ATXN1: variants seen among roughly 807,000 people sequenced by gnomAD.
ATXN1 encodes the protein ataxin-1.
A neutral mutation model predicts 56.4 loss-of-function variants in ATXN1; 8 were observed. The ratio of observed to expected loss-of-function variants is 0.14; its 90% CI spans 0.08 to 0.26. The LOEUF (loss-of-function observed/expected upper bound fraction) is 0.26. Among genes scored for constraint, ATXN1 ranks in the 10% least tolerant of loss-of-function variants. ATXN1 has a pLI of 1.00. For missense variants in ATXN1, 987 were observed against 1,106.5 expected (o/e 0.89, Z 1.53); for synonymous variants, 514 against 494.6 (o/e 1.04, Z -0.52).
At chr6:16,462,146 C>T (rs1331909900) in intron 6 of ATXN1, among the ~76,000 whole-genome samples, 1 of 152,198 alleles carries the variant, frequency 6.6e-6, no homozygotes, top group African/African-American at 2.4e-5. Flanking sequence ...CAAGTCCCTC[C>T]CCTCTTCCTC....
chr6:16,683,660 TCC>T (rs1758859108), intron 2 of ATXN1, among the ~76,000 whole-genome samples: 1 of 152,098 alleles, frequency 6.6e-6, no homozygotes, highest in Admixed American at 6.6e-5. Context: ...TTCATATGAG[TCC>T]TTAAAAACAG....
intron 3 of ATXN1, among the ~76,000 whole-genome samples, chr6:16,646,428 G>A (rs1763799139): frequency 6.6e-6 from 1 of 152,206 alleles, no homozygotes; most frequent in Non-Finnish European, 1.5e-5. Context: ...GCTAATTTAT[G>A]TAAAGCCCCA....
At chr6:16,686,314 C>T in intron 2 of ATXN1, among the ~76,000 whole-genome samples, 1 of 152,080 alleles carries the variant, frequency 6.6e-6, no homozygotes, top group East Asian at 1.9e-4. Context: ...ACATACACTT[C>T]CGAAGTAGTA....
intron 4 of ATXN1, among the ~76,000 whole-genome samples, chr6:16,546,555 G>C (rs1761818283): frequency 6.6e-6 from 1 of 152,156 alleles, no homozygotes; most frequent in Non-Finnish European, 1.5e-5. Flanking sequence ...CTAGAAATCA[G>C]AAAATCCTGA....
At chr6:16,713,023 G>A (rs1045404391) in intron 2 of ATXN1, among the ~76,000 whole-genome samples, 2 of 152,204 alleles carry the variant, frequency 1.3e-5, no homozygotes, top group Non-Finnish European at 2.9e-5. Flanking sequence ...AGCAAGAGAT[G>A]ACTCATAATA....
intron 1 of ATXN1, among the ~76,000 whole-genome samples, chr6:16,758,353 C>T (rs1224513631): frequency 6.6e-6 from 1 of 152,228 alleles, no homozygotes; most frequent in Non-Finnish European, 1.5e-5. Flanking sequence ...CTTTAGTGAG[C>T]TCTGAAAGGT....
At chr6:16,426,981 C>T (rs1759170568) in intron 6 of ATXN1, among the ~76,000 whole-genome samples, 2 of 152,006 alleles carry the variant, frequency 1.3e-5, no homozygotes, top group Non-Finnish European at 2.9e-5. Flanking sequence ...TGCCGCTCAC[C>T]TAAAGCCCCG....
intron 4 of ATXN1, among the ~76,000 whole-genome samples, chr6:16,562,184 G>A (rs1453307644): frequency 1.3e-5 from 2 of 151,802 alleles, no homozygotes; most frequent in East Asian, 1.9e-4. Flanking sequence ...ACCAGCCTGG[G>A]CAACACAGCA....
At chr6:16,467,142 C>G (rs1535018) in intron 6 of ATXN1, among the ~76,000 whole-genome samples, 85 of 152,270 alleles carry the variant, frequency 5.6e-4, no homozygotes, top group Non-Finnish European at 8.8e-5. Flanking sequence ...ATGCCCTGGG[C>G]GGGGAGACAG....
chr6:16,509,789 A>G (rs1269784661), intron 5 of ATXN1, among the ~76,000 whole-genome samples: 1 of 152,170 alleles, frequency 6.6e-6, no homozygotes, highest in African/African-American at 2.4e-5. Context: ...AATTAAGTCC[A>G]GAGTTTCCAT....
At chr6:16,322,814 G>C (rs1754718048) in intron 7 of ATXN1, among the ~76,000 whole-genome samples, 1 of 152,204 alleles carries the variant, frequency 6.6e-6, no homozygotes, top group African/African-American at 2.4e-5. Flanking sequence ...ACAGCTGGTG[G>C]AGTATTTTAG....
intron 6 of ATXN1, among the ~76,000 whole-genome samples, chr6:16,460,837 GC>G (rs1381288999): frequency 1.3e-5 from 2 of 152,174 alleles, no homozygotes; most frequent in African/African-American, 4.8e-5. Flanking sequence ...CCACGGACCA[GC>G]GCCTAGTTAG....
At chr6:16,368,581 A>G (rs888771421) in intron 6 of ATXN1, among the ~76,000 whole-genome samples, 1 of 152,204 alleles carries the variant, frequency 6.6e-6, no homozygotes, top group Non-Finnish European at 1.5e-5. Context: ...GCCTATCAGT[A>G]TCTGCTAAAT....
intron 3 of ATXN1, among the ~76,000 whole-genome samples, chr6:16,605,027 T>G (rs1762978972): frequency 2.6e-5 from 4 of 152,168 alleles, no homozygotes; most frequent in Admixed American, 2.6e-4. Context: ...TTAAACACAC[T>G]AGAGACATTA....
chr6:16,640,584 G>A (rs1763690593), intron 3 of ATXN1, among the ~76,000 whole-genome samples: 1 of 151,956 alleles, frequency 6.6e-6, no homozygotes, highest in Admixed American at 6.6e-5. Context: ...TCGGGAGGCT[G>A]AGGCAGGAGA....
chr6:16,379,485 C>T (rs1561873529), intron 6 of ATXN1, among the ~76,000 whole-genome samples: 1 of 152,146 alleles, frequency 6.6e-6, no homozygotes, highest in Non-Finnish European at 1.5e-5. Flanking sequence ...TGTGATGCAA[C>T]GCAACTGAAG....
Position 16,303,493 on chromosome 6 carries a change from G to T in ATXN1, c.*2836C>A, listed in dbSNP as rs1406057578. On this transcript the variant is annotated 3_prime_UTR_variant, in exon 8 of 8. Transcript: ENST00000436367. This position sits in a 1 kb window ranked among gnomAD's most constrained non-coding sequence, Gnocchi z 4.3. ...CAACCAAACAAGGAAAAAGCCAAAA[G>T]GGAATGAGCTTTAACTATATAGCAC... 6.5e-6 allele frequency: 1 copy of T among 152,778 alleles called. No individual in the cohort carries two copies. The highest frequency in any genetic ancestry group is 1.5e-5 in the Non-Finnish European group (1 of 68,144). 9.5% of individuals were successfully genotyped at this position (152,778 alleles called of 1,614,324 possible). A position where few individuals can be genotyped will look rare whatever the true frequency, so the allele number is the denominator to read the frequency against.
intron 6 of ATXN1, among the ~76,000 whole-genome samples, chr6:16,472,789 A>G (rs1176688293): frequency 6.6e-6 from 1 of 152,190 alleles, no homozygotes; most frequent in Non-Finnish European, 1.5e-5. Flanking sequence ...AGTGCTGGTG[A>G]TAAGACATGG....
intron 6 of ATXN1, among the ~76,000 whole-genome samples, chr6:16,419,994 C>T (rs1422658232): frequency 6.6e-6 from 1 of 152,172 alleles, no homozygotes; most frequent in South Asian, 2.1e-4. Flanking sequence ...TGCACAGATA[C>T]AAAGACTGGG....
Sources: gnomAD v4.1 joint callset for allele counts (sites outside exome capture counted in the v4.1 genomes callset) on GRCh38, gnomAD v4.1.1 for gene constraint, Gnocchi (gnomAD v3.1) non-coding constraint, MANE v1.5 for transcripts, NCBI Gene and HGNC (gene_info 2026-07-23, HGNC 2026-07-21) for gene names.